The following COMMD4 variants were observed in gnomAD, a reference collection of about 807,000 sequenced individuals.
COMMD4 encodes COMM domain containing 4.
In COMMD4, 18 loss-of-function variants were observed where a neutral mutation model predicts 27.5. The ratio of observed to expected loss-of-function variants is 0.65; its 90% confidence interval spans 0.45 to 0.97. The LOEUF (loss-of-function observed/expected upper bound fraction) is 0.97, where lower values mean the gene tolerates loss of function less well. COMMD4 is among the 50% of genes least tolerant of loss of function. COMMD4 has a pLI of 0.00. For missense variants in COMMD4, 243 were observed against 250.0 expected (o/e 0.97, Z 0.19); for synonymous variants, 108 against 108.4 (o/e 1.00, Z 0.02).
chr15:75,336,232 T>C (rs1478348172), intron 1 of COMMD4, 140 bp downstream of exon 1: 1 of 1,539,264 alleles, frequency 6.5e-7, no homozygotes, highest in Non-Finnish European at 8.8e-7. Flanking sequence ...GTGAGTCTGG[T>C]AGGGAAAAGT....
intron 6 of COMMD4, 140 bp from the exon 7 acceptor site, chr15:75,339,562 G>T: frequency 8.6e-7 from 1 of 1,164,280 alleles, no homozygotes; most frequent in Non-Finnish European, 1.2e-6. Flanking sequence ...CACCTGCCCT[G>T]TTCTGAGCCT....
downstream of COMMD4, chr15:75,342,230 A>G (rs1168303637): frequency 6.6e-5 from 10 of 151,936 alleles, no homozygotes; most frequent in Non-Finnish European, 1.5e-5. Context: ...ATACCTCGTC[A>G]CCTCACTTAT....
At chr15:75,338,455 A>C (rs1042368491) in intron 3 of COMMD4, 35 bp downstream of exon 3, 1 of 1,607,084 alleles carries the variant, frequency 6.2e-7, no homozygotes, top group Non-Finnish European at 8.5e-7. Context: ...TTGTCCCATG[A>C]CCTTATGACC....
chr15:75,338,415 A>T lies in COMMD4; in HGVS notation c.136A>T (p.Ile46Phe), dbSNP rs2071300537. 1 of 1,603,526 alleles carries T rather than the reference A, an allele frequency of 6.2e-7. No homozygotes were observed. The highest frequency in any genetic ancestry group is 1.3e-5 in the African/African-American group (1 of 74,734). Residue 46 changes from isoleucine (I) to phenylalanine (F), a missense_variant, in exon 3 of 8, where the codon ATT becomes TTT. Transcript: ENST00000267935. ...ACTAAAGGAGCTGCTGGGACAGGGG[A>T]TTGATGTGAGTACAAGATCCAGCAC... is the stretch of plus-strand genomic sequence containing the variant. ...QVLKELLGQGIDYEKILKLTA... is the reference protein window; with the variant it reads ...QVLKELLGQGFDYEKILKLTA...
At chr15:75,336,130 G>C (rs1358412328) in intron 1 of COMMD4, 38 bp downstream of exon 1, 1 of 1,549,786 alleles carries the variant, frequency 6.5e-7, no homozygotes, top group South Asian at 1.2e-5. Context: ...TGGGCTGCTG[G>C]AGCGGGAATG....
chr15:75,340,105 A>T lies in COMMD4; in HGVS notation c.*100A>T. ...AGGCAGCCCTGGTTCTAGGATGCTG[A>T]GGCCCTGGCCCGGACTCTGGCCTCC... On this transcript the variant is annotated 3_prime_UTR_variant, in exon 8 of 8. Transcript: ENST00000267935. The T allele has an allele frequency of 2.8e-6, 4 of 1,429,030 alleles. No homozygotes were observed. In the South Asian group the frequency reaches 3.7e-5, roughly 13 times the overall value. 88.5% of individuals were successfully genotyped at this position (1,429,030 alleles called of 1,614,324 possible). A position where few individuals can be genotyped will look rare whatever the true frequency, so the allele number is the denominator to read the frequency against.
chr15:75,343,099 C>T (rs2071440409), downstream of COMMD4: 1 of 152,240 alleles, frequency 6.6e-6, no homozygotes, highest in Non-Finnish European at 1.5e-5. Flanking sequence ...GGATTACAGG[C>T]ATGAGCCACC....
At position 75,340,216 on chromosome 15, in the gene COMMD4, G is replaced by A. The variant is rs1481244175; in HGVS notation, c.*211G>A. On this transcript the variant is annotated 3_prime_UTR_variant, in exon 8 of 8. Transcript: ENST00000267935. ...TCCCAGCATTACCTTCCCTTCCCTT[G>A]AAAGGCAATTGTTGGCTGTTTTCAT... The A allele has an allele frequency of 5.1e-6, 3 of 582,910 alleles. No individual in the cohort carries two copies. Among genetic ancestry groups the A allele is most frequent in the Non-Finnish European group, 9.2e-6 (3 of 327,584 alleles). The allele number at this position is 582,910 out of a possible 1,614,324, so 36.1% of individuals were successfully genotyped here.
chr15:75,336,447 C>A, intron 1 of COMMD4: 1 of 581,880 alleles, frequency 1.7e-6, no homozygotes, highest in Non-Finnish European at 2.9e-6. Flanking sequence ...CCCCCTTCCC[C>A]AGCCCTGCCG....
chr15:75,342,382 T>TA (rs1406358592), downstream of COMMD4: 1 of 151,662 alleles, frequency 6.6e-6, no homozygotes, highest in East Asian at 2.0e-4. Context: ...CTACAAAAAG[T>TA]AAAAAAATTA....
At position 75,339,219 on chromosome 15, in the gene COMMD4, A is replaced by C. The variant is rs532367746; in HGVS notation, c.302-45A>C. On this transcript the variant is annotated intron_variant, in intron 5 of 7. Coordinates refer to ENST00000267935, the MANE Select transcript of COMMD4 (RefSeq NM_017828.5). ...CCTGTCTGGGCCAGGAGCCCAAGCC[A>C]GGCCCCGACATGCTACCTCCAGAGC... is the stretch of plus-strand genomic sequence containing the variant. 2.1e-4 allele frequency: 334 copies of C among 1,611,876 alleles called. 1 individual carries two copies. The East Asian group carries it at 2.6e-3, about 12-fold the overall frequency.
downstream of COMMD4, chr15:75,341,766 A>C (rs1254847270): frequency 6.6e-6 from 1 of 152,162 alleles, no homozygotes; most frequent in African/African-American, 2.4e-5. Flanking sequence ...GTGGAATGGA[A>C]AAAGTATTCA....
intron 1 of COMMD4, chr15:75,337,665 C>T (rs2071257855): frequency 8.7e-6 from 2 of 229,598 alleles, no homozygotes; most frequent in Non-Finnish European, 1.7e-5. Flanking sequence ...GGCTGGTGTG[C>T]CCCAGCAGCA....
chr15:75,340,811 T>G (rs1226794599), downstream of COMMD4: 5 of 150,942 alleles, frequency 3.3e-5, no homozygotes, highest in African/African-American at 7.3e-5. Flanking sequence ...TAATTTTGTT[T>G]TTTTTTTTTT....
chr15:75,337,973 C>T (rs2071273169), intron 1 of COMMD4, 89 bp from the exon 2 acceptor site: 3 of 1,339,278 alleles, frequency 2.2e-6, no homozygotes, highest in Non-Finnish European at 3.1e-6. Context: ...ACCAGGGGTC[C>T]CTGGTGGGCA....
chr15:75,336,749 G>A (rs996114911), intron 1 of COMMD4: 7 of 152,678 alleles, frequency 4.6e-5, no homozygotes, highest in African/African-American at 1.7e-4. Flanking sequence ...TAGTGCTAAG[G>A]GGGCTTCCTA....
At chr15:75,341,634 T>C (rs992889789), downstream of COMMD4, 1 of 152,030 alleles carries the variant, frequency 6.6e-6, no homozygotes, top group Admixed American at 6.6e-5. Flanking sequence ...CAGAGAGAAA[T>C]TCCTGGAATC....
chr15:75,339,935 C>G (rs770950711), intron 7 of COMMD4, 30 bp from the exon 8 acceptor site: 11 of 1,614,054 alleles, frequency 6.8e-6, no homozygotes, highest in Non-Finnish European at 9.3e-6. Flanking sequence ...GCCTGACTGC[C>G]TCCCACCTGC....
Position 75,339,861 on chromosome 15 carries a change from T to C in COMMD4, c.542T>C (p.Phe181Ser). The C allele has an allele frequency of 6.2e-7, 1 of 1,613,278 alleles. No individual in the cohort carries two copies. Among genetic ancestry groups the C allele is most frequent in the Non-Finnish European group, 8.5e-7 (1 of 1,179,416 alleles). The change falls in exon 7 of 8, where the codon TTC becomes TCC. Residue 181 changes from phenylalanine (F) to serine (S), a missense_variant. Coordinates refer to ENST00000267935, the MANE Select transcript of COMMD4 (RefSeq NM_017828.5). Reference protein sequence around the residue: ...PVAMSLSADKFQVLLAELKQA... With the variant: ...PVAMSLSADKSQVLLAELKQA... Reference sequence around the variant, plus strand: ...GCCATGTCCCTCTCAGCAGACAAGTTCCAGGTCCTCCTGGCAGGTGAGGCT... The same window carrying C: ...GCCATGTCCCTCTCAGCAGACAAGTCCCAGGTCCTCCTGGCAGGTGAGGCT...
Sources: allele counts gnomAD v4.1 joint callset, GRCh38; gene constraint gnomAD v4.1.1; transcripts MANE v1.5; gene names NCBI Gene and HGNC (gene_info 2026-07-23, HGNC 2026-07-21).